The following PITPNM3 variants were observed in gnomAD, a reference collection of about 807,000 sequenced individuals.
PITPNM3 encodes the protein membrane-associated phosphatidylinositol transfer protein 3.
A neutral mutation model predicts 102.0 loss-of-function variants in PITPNM3; 26 were observed. The observed-to-expected ratio is 0.25, with a 90% CI of 0.19 to 0.35. PITPNM3 has a LOEUF of 0.35. PITPNM3 is among the 10% of genes least tolerant of loss of function. PITPNM3 has a pLI of 1.00. For synonymous variants in PITPNM3, 578 were observed against 558.6 expected (o/e 1.03, Z -0.49); for missense variants, 1,083 against 1,346.1 (o/e 0.80, Z 3.06).
At position 6,496,325 on chromosome 17, in the gene PITPNM3, G is replaced by A. The variant is rs548104006; in HGVS notation, c.274+7202C>T. ...TCCAGGCTTCTCTTATCCTGACCAA[G>A]CCCCCGCCTTCTGCTCCGCTCTCCC... On this transcript the variant is annotated intron_variant, in intron 4 of 19. Coordinates refer to ENST00000262483, the MANE Select transcript of PITPNM3 (RefSeq NM_031220.4). Among the ~76,000 whole-genome samples, 164 of 152,024 alleles carry A rather than the reference G, an allele frequency of 1.1e-3. 1 individual carries two copies. The highest frequency in any genetic ancestry group is 1.2e-3 in the Non-Finnish European group (83 of 67,968).
chr17:6,521,935 CA>C (rs1908548581), intron 3 of PITPNM3, among the ~76,000 whole-genome samples: 2 of 152,156 alleles, frequency 1.3e-5, no homozygotes, highest in African/African-American at 4.8e-5. Context: ...CAGGAACTTA[CA>C]AAAAGAACCT....
At chr17:6,497,678 C>A (rs1182262191) in intron 4 of PITPNM3, among the ~76,000 whole-genome samples, 1 of 152,216 alleles carries the variant, frequency 6.6e-6, no homozygotes, top group Non-Finnish European at 1.5e-5. Flanking sequence ...GCGGCCCTCA[C>A]CCCTGCAGCT....
chr17:6,538,957 G>C (rs912705348), intron 1 of PITPNM3, among the ~76,000 whole-genome samples: 4 of 152,178 alleles, frequency 2.6e-5, no homozygotes, highest in African/African-American at 9.7e-5. Context: ...TCCCTGCCCT[G>C]AGTCCAGATC....
chr17:6,487,845 G>C (rs531057610), intron 4 of PITPNM3, among the ~76,000 whole-genome samples: 1 of 152,172 alleles, frequency 6.6e-6, no homozygotes, highest in Non-Finnish European at 1.5e-5. Context: ...TGGTTCCGTG[G>C]GGATGGGAGC....
chr17:6,496,820 C>T (rs1468372571), intron 4 of PITPNM3, among the ~76,000 whole-genome samples: 1 of 152,106 alleles, frequency 6.6e-6, no homozygotes, highest in East Asian at 1.9e-4. Context: ...CAGCAAAGCC[C>T]AGATGCTATG....
intron 4 of PITPNM3, among the ~76,000 whole-genome samples, chr17:6,497,278 G>C (rs554167783): frequency 3.9e-5 from 6 of 152,124 alleles, no homozygotes; most frequent in African/African-American, 1.2e-4. Flanking sequence ...GAAGCCCTTC[G>C]GTGGCTGGTC....
At chr17:6,471,115 TC>T (rs1332189309) in intron 12 of PITPNM3, 45 bp downstream of exon 12, 1 of 1,602,188 alleles carries the variant, frequency 6.2e-7, no homozygotes, top group Non-Finnish European at 8.5e-7. Context: ...AGAGGAAGGT[TC>T]CCCTCCCCCG....
At chr17:6,552,762 CTTTTTTTTTTTTTT>C (rs34225911) in intron 1 of PITPNM3, among the ~76,000 whole-genome samples, 1 of 89,012 alleles carries the variant, frequency 1.1e-5, no homozygotes, top group Non-Finnish European at 2.2e-5. Context: ...CTTTCTTTTT[CTTTTTTTTTTTTTT>C]TTTTTTTTGA....
At chr17:6,545,649 A>C (rs935895135) in intron 1 of PITPNM3, among the ~76,000 whole-genome samples, 1 of 152,212 alleles carries the variant, frequency 6.6e-6, no homozygotes, top group East Asian at 1.9e-4. Flanking sequence ...GCAGGTCCTG[A>C]TGCCTGAAAC....
intron 4 of PITPNM3, among the ~76,000 whole-genome samples, chr17:6,490,313 G>T (rs1376322976): frequency 1.3e-5 from 2 of 152,088 alleles, no homozygotes; most frequent in African/African-American, 4.8e-5. Flanking sequence ...TACTCAGAGG[G>T]TGACCTCAGA....
intron 3 of PITPNM3, among the ~76,000 whole-genome samples, chr17:6,511,387 T>C (rs1907854264): frequency 6.6e-6 from 1 of 152,208 alleles, no homozygotes; most frequent in South Asian, 2.1e-4. Flanking sequence ...CATTTTTATG[T>C]GAATTAATCT....
chr17:6,538,189 C>T (rs780708450), intron 1 of PITPNM3, 107 bp from the exon 2 acceptor site: 1 of 791,388 alleles, frequency 1.3e-6, no homozygotes, highest in Non-Finnish European at 2.2e-6. Flanking sequence ...TCCTGCACAT[C>T]TGTGCCCTCT....
chr17:6,473,233 C>T, intron 10 of PITPNM3: 1 of 321,232 alleles, frequency 3.1e-6, no homozygotes, highest in South Asian at 2.7e-5. Flanking sequence ...GCTGCCCCTT[C>T]CACAGGCCTC....
At chr17:6,482,028 CTCTCTCTGTCTG>C (rs1567670272) in intron 6 of PITPNM3, among the ~76,000 whole-genome samples, 3 of 95,704 alleles carry the variant, frequency 3.1e-5, no homozygotes, top group Non-Finnish European at 4.2e-5. Context: ...CTCTCTCTCT[CTCTCTCTGTCTG>C]TCTCTCTCTC....
chr17:6,500,230 A>C (rs2150603802), intron 4 of PITPNM3, among the ~76,000 whole-genome samples: 1 of 152,276 alleles, frequency 6.6e-6, no homozygotes, highest in Non-Finnish European at 1.5e-5. Context: ...ACCACCTCGC[A>C]ATTTGTTTTT....
At chr17:6,465,685 G>A (rs1904730490) in intron 14 of PITPNM3, among the ~76,000 whole-genome samples, 1 of 152,060 alleles carries the variant, frequency 6.6e-6, no homozygotes, top group Non-Finnish European at 1.5e-5. Flanking sequence ...GAGCAATCCT[G>A]GACGCTGCGT....
rs765408621 is a variant in PITPNM3, at chr17:6,484,231, G to A, written c.336C>T (p.Ile112=). The A allele has an allele frequency of 3.1e-6, 5 of 1,610,848 alleles. No homozygotes were observed. In the South Asian group the frequency reaches 4.4e-5, roughly 14 times the overall value. The change falls in exon 5 of 20, where the codon ATC becomes ATT. Residue 112 remains isoleucine (I), a synonymous_variant. Coordinates refer to ENST00000262483, the MANE Select transcript of PITPNM3 (RefSeq NM_031220.4). The part of the protein sequence containing the change: ...QRFPAQGSIE[I]HEDSEEGCPQ... ...CCCAGCCTACCTCGCTGTCTTCGTG[G>A]ATCTCGATGCTTCCCTGGGCTGGGA... is the stretch of plus-strand genomic sequence containing the variant.
Position 6,457,855 on chromosome 17 carries a change from C to A in PITPNM3, c.2491-133G>T. ...TCTGGTAGACTCCAAGCCATGGGGC[C>A]ACCCTGTGTCAGGAATGAACCCTCA... On this transcript the variant is annotated intron_variant, in intron 18 of 19. Transcript: ENST00000262483. The surrounding 1 kb of genome is among the most constrained non-coding windows in gnomAD (Gnocchi z 4.7). The A allele has an allele frequency of 1.5e-6, 2 of 1,305,114 alleles. No individual in the cohort carries two copies. Among genetic ancestry groups the A allele is most frequent in the Non-Finnish European group, 2.1e-6 (2 of 941,266 alleles). 80.8% of individuals were successfully genotyped at this position (1,305,114 alleles called of 1,614,324 possible). A position where few individuals can be genotyped will look rare whatever the true frequency, so the allele number is the denominator to read the frequency against.
At position 6,556,241 on chromosome 17, in the gene PITPNM3, G is replaced by A. The variant is rs2150689981; in HGVS notation, c.22+144C>T. ...GGAGCCCCCTCTCCACGCGCGGGAG[G>A]TCCAGCCCCGCTACCGCCCCCTACG... On this transcript the variant is annotated intron_variant, in intron 1 of 19. Coordinates refer to ENST00000262483, the MANE Select transcript of PITPNM3 (RefSeq NM_031220.4). This position sits in a 1 kb window ranked among gnomAD's most constrained non-coding sequence, Gnocchi z 5.2. 3.6e-6 allele frequency: 2 copies of A among 563,038 alleles called. No homozygotes were observed. Among genetic ancestry groups the A allele is most frequent in the Non-Finnish European group, 5.2e-6 (2 of 385,452 alleles). 34.9% of individuals were successfully genotyped at this position (563,038 alleles called of 1,614,324 possible).
Sources: allele counts gnomAD v4.1 joint callset (sites outside exome capture counted in the v4.1 genomes callset), GRCh38; gene constraint gnomAD v4.1.1; non-coding constraint Gnocchi (gnomAD v3.1); transcripts MANE v1.5; gene names NCBI Gene and HGNC (gene_info 2026-07-23, HGNC 2026-07-21).